ENOX1: variants seen among roughly 807,000 people sequenced by gnomAD.
ENOX1 encodes the protein candidate growth-related and time keeping constitutive hydroquinone (NADH) oxidase.
ENOX1 carries 42 observed loss-of-function variants against 82.5 expected under a neutral mutation model. The ratio of observed to expected loss-of-function variants is 0.51; its 90% CI spans 0.40 to 0.66. ENOX1 has a LOEUF of 0.66. Ranked by LOEUF, ENOX1 falls within the 30% of genes least tolerant of loss-of-function variation. ENOX1 has a pLI of 0.00. For synonymous variants in ENOX1, 271 were observed against 282.2 expected, an observed-to-expected ratio of 0.96 and a Z score of 0.40; for missense variants, 608 against 811.6, an observed-to-expected ratio of 0.75 and a Z score of 3.05.
At chr13:43,314,346 G>C (rs1313203879) in intron 11 of ENOX1, among the ~76,000 whole-genome samples, 1 of 152,172 alleles carries the variant, frequency 6.6e-6, no homozygotes, top group African/African-American at 2.4e-5. Context: ...GAAAGGGAAG[G>C]AAGTACTTAC....
At chr13:43,287,172 C>T (rs74996142) in intron 12 of ENOX1, among the ~76,000 whole-genome samples, 44 of 152,084 alleles carry the variant, frequency 2.9e-4, no homozygotes, top group South Asian at 2.1e-4. Flanking sequence ...TTGTGAGGAC[C>T]GCATAAAATA....
chr13:43,249,088 C>T (rs938877354), intron 14 of ENOX1, among the ~76,000 whole-genome samples: 1 of 152,018 alleles, frequency 6.6e-6, no homozygotes, highest in Admixed American at 6.5e-5. Context: ...AAATTGTGGT[C>T]TCAAGCTGGC....
intron 1 of ENOX1, among the ~76,000 whole-genome samples, chr13:43,739,541 G>C (rs1416412932): frequency 6.6e-6 from 1 of 150,928 alleles, no homozygotes; most frequent in Non-Finnish European, 1.5e-5. Context: ...CAGAGTGAGA[G>C]CCTGTCTCAA....
intron 3 of ENOX1, among the ~76,000 whole-genome samples, chr13:43,476,048 A>T (rs9594951): frequency 0.2 from 31,055 of 152,024 alleles, 3,665 homozygotes; most frequent in Middle Eastern, 0.29. Context: ...AGGTCTAAGC[A>T]TTGAAGTGTT....
At chr13:43,241,617 A>G (rs573929720) in intron 14 of ENOX1, among the ~76,000 whole-genome samples, 2 of 152,208 alleles carry the variant, frequency 1.3e-5, no homozygotes, top group Non-Finnish European at 2.9e-5. Flanking sequence ...TGCACTTGAC[A>G]TGAGATTGGA....
intron 2 of ENOX1, among the ~76,000 whole-genome samples, chr13:43,649,933 C>T (rs903555038): frequency 6.6e-6 from 1 of 152,202 alleles, no homozygotes; most frequent in African/African-American, 2.4e-5. Flanking sequence ...CCCTGACAGT[C>T]AGACTTATGG....
chr13:43,512,186 A>G (rs2077394968), intron 2 of ENOX1, among the ~76,000 whole-genome samples: 1 of 152,098 alleles, frequency 6.6e-6, no homozygotes, highest in Non-Finnish European at 1.5e-5. Context: ...AAACAATTAC[A>G]TGAGAGTTGT....
At chr13:43,545,072 C>T (rs990191061) in intron 2 of ENOX1, 2 of 150,344 alleles carry the variant, frequency 1.3e-5, no homozygotes, top group African/African-American at 2.4e-5. Context: ...ATTCTTAGCC[C>T]CAATTGGCCT....
chr13:43,472,399 C>T (rs961260465), intron 3 of ENOX1, among the ~76,000 whole-genome samples: 1 of 152,100 alleles, frequency 6.6e-6, no homozygotes, highest in African/African-American at 2.4e-5. Context: ...ATTTATTAGG[C>T]TCCCTAAGTG....
At chr13:43,367,214 A>T (rs9533463) in intron 5 of ENOX1, among the ~76,000 whole-genome samples, 39,721 of 152,126 alleles carry the variant, frequency 0.26, 5,643 homozygotes, top group East Asian at 0.46. Context: ...AGGTGCTATG[A>T]AAACACTGAA....
At chr13:43,384,368 G>A (rs2052271436) in intron 5 of ENOX1, among the ~76,000 whole-genome samples, 1 of 152,044 alleles carries the variant, frequency 6.6e-6, no homozygotes, top group African/African-American at 2.4e-5. Flanking sequence ...AACCATACAA[G>A]ACCAGCCTAT....
At chr13:43,223,814 C>T (rs7333733) in intron 16 of ENOX1, among the ~76,000 whole-genome samples, 152,328 of 152,330 alleles carry the variant, frequency 1, 76,163 homozygotes, top group Non-Finnish European at 1. Context: ...TCCAAATTAA[C>T]TTGGCATCTG....
At chr13:43,474,984 G>A (rs1001480879) in intron 3 of ENOX1, among the ~76,000 whole-genome samples, 5 of 152,068 alleles carry the variant, frequency 3.3e-5, no homozygotes, top group African/African-American at 1.2e-4. Context: ...GGTGATTTGA[G>A]ATGAATCCTC....
intron 2 of ENOX1, among the ~76,000 whole-genome samples, chr13:43,518,147 C>A (rs1284268610): frequency 1.3e-5 from 2 of 152,070 alleles, no homozygotes; most frequent in Non-Finnish European, 2.9e-5. Context: ...GAAGTGCATT[C>A]CTCATGAAGA....
intron 2 of ENOX1, among the ~76,000 whole-genome samples, chr13:43,593,719 CACACAG>C (rs2081347349): frequency 1.5e-5 from 2 of 135,440 alleles, no homozygotes; most frequent in African/African-American, 5.6e-5. Flanking sequence ...CACACACACA[CACACAG>C]GCACTCCCTT....
At chr13:43,641,150 T>G (rs1017333988) in intron 2 of ENOX1, among the ~76,000 whole-genome samples, 1 of 152,144 alleles carries the variant, frequency 6.6e-6, no homozygotes, top group African/African-American at 2.4e-5. Context: ...TGGAGGGGCA[T>G]CAAGGTATAT....
At chr13:43,638,265 C>A (rs933355783) in intron 2 of ENOX1, among the ~76,000 whole-genome samples, 1 of 152,122 alleles carries the variant, frequency 6.6e-6, no homozygotes, top group Non-Finnish European at 1.5e-5. Flanking sequence ...AGATTTCATA[C>A]CAGGCCACAG....
chr13:43,698,231 T>C (rs1442724439), intron 1 of ENOX1, among the ~76,000 whole-genome samples: 5 of 152,234 alleles, frequency 3.3e-5, no homozygotes, highest in Non-Finnish European at 7.3e-5. Flanking sequence ...AATAATGCTT[T>C]GCTTGTCATC....
intron 1 of ENOX1, among the ~76,000 whole-genome samples, chr13:43,767,621 C>T (rs1392808739): frequency 6.6e-6 from 1 of 152,206 alleles, no homozygotes; most frequent in African/African-American, 2.4e-5. Context: ...GGAGACAGTA[C>T]AGCAGATATG....
Sources: allele counts gnomAD v4.1 joint callset (sites outside exome capture counted in the v4.1 genomes callset), GRCh38; gene constraint gnomAD v4.1.1; transcripts MANE v1.5; gene names NCBI Gene and HGNC (gene_info 2026-07-23, HGNC 2026-07-21).